RANBP2: variants seen among roughly 807,000 people sequenced by gnomAD.
RANBP2 encodes RAN binding protein 2, also known as E3 SUMO-protein ligase RanBP2.
RANBP2 carries 57 observed loss-of-function variants against 303.6 expected under a neutral mutation model. The observed-to-expected ratio is 0.19, with a 90% CI of 0.15 to 0.23. The LOEUF is 0.23. Ranked by LOEUF, RANBP2 falls within the 10% of genes least tolerant of loss-of-function variation. The probability of loss-of-function intolerance (pLI) is 1.00; values close to 1 mark genes in which losing one functional copy is unlikely to be tolerated. For synonymous variants in RANBP2, 1,167 were observed against 1,301.5 expected, an observed-to-expected ratio of 0.90 and a Z score of 2.23; for missense variants, 3,138 against 3,780.8, an observed-to-expected ratio of 0.83 and a Z score of 4.46.
At chr2:108,846,081 A>G in the RANBP2 span, among the ~76,000 whole-genome samples, 1 of 152,210 alleles carries the variant, frequency 6.6e-6, no homozygotes, top group South Asian at 2.1e-4. Context: ...AGCTGAAGGG[A>G]CTGAGGCTCT....
chr2:108,875,638 G>A, the RANBP2 span, among the ~76,000 whole-genome samples: 15 of 152,244 alleles, frequency 9.9e-5, 1 homozygote, highest in Middle Eastern at 3.4e-3. Flanking sequence ...AAGGAGGATC[G>A]CCTGAGCCCA....
Position 108,719,530 on chromosome 2 carries a change from C to A in RANBP2, c.-77C>A. 1 of 1,553,132 alleles carries A rather than the reference C, an allele frequency of 6.4e-7. No individual in the cohort carries two copies. The highest frequency in any genetic ancestry group is 8.7e-7 in the Non-Finnish European group (1 of 1,149,896). ...GCGCTGCGTCACTGGTTTGCAGGCG[C>A]TTTCCTCTTGGAAGTGGCGACTGCT... On this transcript the variant is annotated 5_prime_UTR_variant, in exon 1 of 29. Transcript: ENST00000283195.
chr2:108,802,964 A>C, the RANBP2 span, among the ~76,000 whole-genome samples: 1 of 152,318 alleles, frequency 6.6e-6, no homozygotes, highest in East Asian at 1.9e-4. Flanking sequence ...CCAGCCTTGC[A>C]TCCCAGGGAT....
chr2:108,822,761 A>G, the RANBP2 span, among the ~76,000 whole-genome samples: 2 of 152,212 alleles, frequency 1.3e-5, no homozygotes, highest in Non-Finnish European at 2.9e-5. Context: ...AAAATACATC[A>G]TACCAAAATT....
the RANBP2 span, among the ~76,000 whole-genome samples, chr2:109,307,462 G>A: frequency 6.7e-6 from 1 of 149,600 alleles, no homozygotes. Flanking sequence ...TAGGGTACAT[G>A]TGCACATTGT....
At chr2:109,311,983 G>A in the RANBP2 span, among the ~76,000 whole-genome samples, 1 of 152,096 alleles carries the variant, frequency 6.6e-6, no homozygotes, top group Non-Finnish European at 1.5e-5. Context: ...GTGTGGTGGT[G>A]AGGTCGGCTG....
the RANBP2 span, among the ~76,000 whole-genome samples, chr2:109,236,135 A>G: frequency 6.6e-6 from 1 of 152,180 alleles, no homozygotes; most frequent in East Asian, 1.9e-4. Flanking sequence ...TCAATAGTTT[A>G]TTTCTGGGGG....
the RANBP2 span, among the ~76,000 whole-genome samples, chr2:109,322,437 C>T: frequency 6.6e-6 from 1 of 152,144 alleles, no homozygotes; most frequent in Non-Finnish European, 1.5e-5. Context: ...GGTGAGTTGT[C>T]TTTGCCTGAG....
the RANBP2 span, among the ~76,000 whole-genome samples, chr2:109,272,531 G>T: frequency 1.3e-5 from 2 of 152,240 alleles, no homozygotes; most frequent in African/African-American, 4.8e-5. Context: ...GCCGAGTAGG[G>T]TGTGTTTCTT....
the RANBP2 span, among the ~76,000 whole-genome samples, chr2:109,077,170 C>T: frequency 1.3e-5 from 2 of 150,620 alleles, no homozygotes; most frequent in African/African-American, 4.8e-5. Flanking sequence ...TTTGGAAAAA[C>T]TGGATATCCA....
the RANBP2 span, among the ~76,000 whole-genome samples, chr2:109,214,131 C>T: frequency 8.5e-5 from 13 of 152,114 alleles, no homozygotes; most frequent in African/African-American, 3.1e-4. Flanking sequence ...CCGGGTGCCC[C>T]CATGCTGCGT....
the RANBP2 span, among the ~76,000 whole-genome samples, chr2:109,075,729 T>TG: frequency 3.3e-5 from 5 of 150,116 alleles, no homozygotes; most frequent in Non-Finnish European, 7.4e-5. Flanking sequence ...GTAGAAGAAA[T>TG]GGATAAATTC....
the RANBP2 span, among the ~76,000 whole-genome samples, chr2:109,000,478 A>G: frequency 1.3e-5 from 2 of 152,176 alleles, no homozygotes; most frequent in East Asian, 3.9e-4. Context: ...GGCTGCAGTG[A>G]GCTATGGTCA....
At chr2:109,426,642 G>T in the RANBP2 span, among the ~76,000 whole-genome samples, 1 of 152,200 alleles carries the variant, frequency 6.6e-6, no homozygotes, top group African/African-American at 2.4e-5. Flanking sequence ...ACAACAAAGA[G>T]TTTAGAATAG....
At chr2:108,897,429 G>A in the RANBP2 span, among the ~76,000 whole-genome samples, 1 of 152,132 alleles carries the variant, frequency 6.6e-6, no homozygotes, top group Admixed American at 6.5e-5. Flanking sequence ...AGAGAGGGCT[G>A]TGCATGTACC....
chr2:108,912,627 A>C, the RANBP2 span: 1 of 1,503,654 alleles, frequency 6.7e-7, no homozygotes, highest in East Asian at 2.4e-5. Context: ...CTGAGCTTTC[A>C]TCCGAGTACC....
chr2:109,548,727 G>A, the RANBP2 span, among the ~76,000 whole-genome samples: 40 of 127,910 alleles, frequency 3.1e-4, no homozygotes, highest in African/African-American at 1.2e-3. Flanking sequence ...AGTGAGCCGA[G>A]ATAGCGCCAT....
chr2:108,850,991 C>T, the RANBP2 span, among the ~76,000 whole-genome samples: 240 of 152,272 alleles, frequency 1.6e-3, no homozygotes, highest in Admixed American at 2.8e-3. Flanking sequence ...AAGGCTGCCT[C>T]GTGCCACACC....
At chr2:108,993,751 C>T in the RANBP2 span, among the ~76,000 whole-genome samples, 1 of 152,130 alleles carries the variant, frequency 6.6e-6, no homozygotes, top group African/African-American at 2.4e-5. Context: ...GAACACTGAC[C>T]CCCTGCTACT....
Sources: gnomAD v4.1 joint callset for allele counts (sites outside exome capture counted in the v4.1 genomes callset) on GRCh38, gnomAD v4.1.1 for gene constraint, MANE v1.5 for transcripts, NCBI Gene and HGNC (gene_info 2026-07-23, HGNC 2026-07-21) for gene names.